The following XXYLT1 variants were observed in gnomAD, a reference collection of about 807,000 sequenced individuals.
The protein encoded by XXYLT1 is UDP-xylose:alpha-xyloside alpha-1,3-xylosyltransferase.
In XXYLT1, 20 loss-of-function variants were observed where a neutral mutation model predicts 28.9. The observed-to-expected ratio is 0.69, with a 90% CI of 0.49 to 1.00. The LOEUF (loss-of-function observed/expected upper bound fraction) is 1.00. Among genes scored for constraint, XXYLT1 ranks in the 50% least tolerant of loss-of-function variants. XXYLT1 has a pLI of 0.00. For synonymous variants in XXYLT1, 257 were observed against 253.8 expected (o/e 1.01, Z -0.12); for missense variants, 542 against 560.1 (o/e 0.97, Z 0.33).
At chr3:195,097,425 C>T (rs369155984) in intron 3 of XXYLT1, among the ~76,000 whole-genome samples, 9 of 152,186 alleles carry the variant, frequency 5.9e-5, no homozygotes, top group East Asian at 1.9e-4. Context: ...GCAGCAAATG[C>T]GTATCAACAC....
At chr3:195,110,882 T>TG (rs1717665474) in intron 3 of XXYLT1, among the ~76,000 whole-genome samples, 1 of 40,980 alleles carries the variant, frequency 2.4e-5, no homozygotes, top group Non-Finnish European at 5.9e-5. Flanking sequence ...GTGTGGTGTA[T>TG]GTGTGCGTGT....
intron 2 of XXYLT1, among the ~76,000 whole-genome samples, chr3:195,207,864 T>C (rs1043901652): frequency 1.2e-4 from 19 of 152,296 alleles, no homozygotes; most frequent in Non-Finnish European, 2.5e-4. Context: ...AGATCCTCCC[T>C]GGCTGCTGGC....
intron 3 of XXYLT1, among the ~76,000 whole-genome samples, chr3:195,131,684 G>A (rs1302456675): frequency 6.6e-6 from 1 of 152,180 alleles, no homozygotes; most frequent in Non-Finnish European, 1.5e-5. Context: ...GCAGGGGCAG[G>A]GCCAGGGTGA....
rs73890728 is a variant in XXYLT1 at position 195,195,153 on chromosome 3, G to A, written c.652+31556C>T. ...AACAGCAGCTGTTACTACAATGGTT[G>A]TTGACGTTAAATGCTATGGAGGGCC... On this transcript the variant is annotated intron_variant, in intron 2 of 3. Coordinates refer to ENST00000310380, the MANE Select transcript of XXYLT1 (RefSeq NM_152531.5). This position sits in a 1 kb window ranked among gnomAD's most constrained non-coding sequence, Gnocchi z 4.4. Among the ~76,000 whole-genome samples the A allele has an allele frequency of 0.051, 7,767 of 152,090 alleles. 609 individuals are homozygous for A. The highest frequency in any genetic ancestry group is 0.18 in the African/African-American group (7,326 of 41,422).
At chr3:195,083,382 A>G (rs1002546893) in intron 3 of XXYLT1, among the ~76,000 whole-genome samples, 6 of 152,192 alleles carry the variant, frequency 3.9e-5, no homozygotes, top group African/African-American at 9.7e-5. Flanking sequence ...ACTTCTGAAT[A>G]AAACGAACTT....
intron 3 of XXYLT1, among the ~76,000 whole-genome samples, chr3:195,155,769 G>A (rs1577088971): frequency 1.3e-5 from 2 of 151,830 alleles, no homozygotes; most frequent in East Asian, 3.9e-4. Context: ...TTTCGCTCTC[G>A]TCGCATGGAG....
Position 195,078,505 on chromosome 3 carries a change from G to A in XXYLT1, c.786-8394C>T, listed in dbSNP as rs1324647185. Among the ~76,000 whole-genome samples the A allele has an allele frequency of 1.3e-5, 2 of 152,004 alleles. No individual in the cohort carries two copies. Among genetic ancestry groups the A allele is most frequent in the Non-Finnish European group, 2.9e-5 (2 of 67,986 alleles). On this transcript the variant is annotated intron_variant, in intron 3 of 3. Transcript: ENST00000310380. This position sits in a 1 kb window ranked among gnomAD's most constrained non-coding sequence, Gnocchi z 5.0. The stretch of plus-strand genomic sequence containing the variant: ...CCCTGGCCCTCTGGGCACGAGATGT[G>A]TCCCACCAAGTTCCCTCCAGCCTAC...
At chr3:195,145,681 C>T (rs545470346) in intron 3 of XXYLT1, among the ~76,000 whole-genome samples, 2 of 152,400 alleles carry the variant, frequency 1.3e-5, no homozygotes, top group East Asian at 3.9e-4. Flanking sequence ...TGTGACTTCA[C>T]ATTTCTGAAA....
chr3:195,268,017 T>C (rs1725895901), intron 1 of XXYLT1, among the ~76,000 whole-genome samples: 1 of 152,076 alleles, frequency 6.6e-6, no homozygotes, highest in Non-Finnish European at 1.5e-5. Flanking sequence ...CCAGGTGCAG[T>C]GGTGTGTGCC....
At chr3:195,163,422 C>T (rs1191053290) in intron 2 of XXYLT1, among the ~76,000 whole-genome samples, 2 of 152,316 alleles carry the variant, frequency 1.3e-5, no homozygotes, top group East Asian at 3.9e-4. Context: ...CACACTGTCC[C>T]CTGACACCTG....
chr3:195,235,365 A>C (rs1259559940), intron 1 of XXYLT1, among the ~76,000 whole-genome samples: 1 of 152,034 alleles, frequency 6.6e-6, no homozygotes, highest in Non-Finnish European at 1.5e-5. Flanking sequence ...GACTGTTTTT[A>C]ATTATTTCAA....
chr3:195,142,420 C>T lies in XXYLT1; in HGVS notation c.785+14029G>A, dbSNP rs183887005. ...CTCCTTCCTTTTCTTCCAATTTTAT[C>T]CCTCCTTTTGTCCCTGAAGGAACTT... On this transcript the variant is annotated intron_variant, in intron 3 of 3. Coordinates refer to ENST00000310380, the MANE Select transcript of XXYLT1 (RefSeq NM_152531.5). 3.2e-3 allele frequency among the ~76,000 whole-genome samples: 486 copies of T among 152,286 alleles called. 2 individuals are homozygous for T. Among genetic ancestry groups the T allele is most frequent in the Admixed American group, 9.8e-3 (150 of 15,308 alleles).
chr3:195,143,886 A>ATT (rs1158940851), intron 3 of XXYLT1, among the ~76,000 whole-genome samples: 4 of 116,848 alleles, frequency 3.4e-5, no homozygotes, highest in African/African-American at 1.4e-4. Flanking sequence ...ATATATATAT[A>ATT]TATTTATTTT....
At position 195,210,134 on chromosome 3, in the gene XXYLT1, CCCCAAGCCTTCAA is replaced by C. The variant is rs1388401255; in HGVS notation, c.652+16562_652+16574del. On this transcript the variant is annotated intron_variant, in intron 2 of 3. Transcript: ENST00000310380. This position sits in a 1 kb window ranked among gnomAD's most constrained non-coding sequence, Gnocchi z 4.8. The stretch of plus-strand genomic sequence containing the variant: ...TGCTCGGCCCCTCCCCCAGCCTTCA[CCCCAAGCCTTCAA>C]GGCTAACCTCTCCTCATCCTCCTCA... Among the ~76,000 whole-genome samples the C allele has an allele frequency of 6.6e-6, 1 of 152,150 alleles. No homozygotes were observed. The highest frequency in any genetic ancestry group is 2.4e-5 in the African/African-American group (1 of 41,382).
At chr3:195,266,645 C>T (rs187852883) in intron 1 of XXYLT1, among the ~76,000 whole-genome samples, 129 of 152,324 alleles carry the variant, frequency 8.5e-4, no homozygotes, top group African/African-American at 3.0e-3. Context: ...AGGCATCATG[C>T]TCCCCACGGA....
chr3:195,132,711 T>C (rs874198), intron 3 of XXYLT1, among the ~76,000 whole-genome samples: 47,109 of 152,096 alleles, frequency 0.31, 8,225 homozygotes, highest in East Asian at 0.68. Flanking sequence ...CACGGTTTTA[T>C]TCTCGGCTTA....
chr3:195,192,428 A>AAAAAAAAG, intron 2 of XXYLT1, among the ~76,000 whole-genome samples: 1 of 145,570 alleles, frequency 6.9e-6, no homozygotes, highest in African/African-American at 2.5e-5. Flanking sequence ...CTGTCTCAAG[A>AAAAAAAAG]AAAAAAAAAA....
chr3:195,238,117 C>T (rs552088861), intron 1 of XXYLT1, among the ~76,000 whole-genome samples: 1 of 152,358 alleles, frequency 6.6e-6, no homozygotes, highest in African/African-American at 2.4e-5. Context: ...GGCCTCTAAG[C>T]CGCTGCAATA....
intron 1 of XXYLT1, among the ~76,000 whole-genome samples, chr3:195,247,295 C>T (rs976512804): frequency 3.3e-5 from 5 of 152,186 alleles, no homozygotes; most frequent in African/African-American, 4.8e-5. Flanking sequence ...CCAAGCCGAG[C>T]GGTGGGAGGG....
Sources: gnomAD v4.1 joint callset for allele counts (sites outside exome capture counted in the v4.1 genomes callset) on GRCh38, gnomAD v4.1.1 for gene constraint, Gnocchi (gnomAD v3.1) non-coding constraint, MANE v1.5 for transcripts, NCBI Gene and HGNC (gene_info 2026-07-23, HGNC 2026-07-21) for gene names.